KHDRBS1: variants seen among roughly 807,000 people sequenced by gnomAD.
KHDRBS1 encodes the protein KH domain-containing, RNA-binding, signal transduction-associated protein 1.
KHDRBS1 carries 7 observed loss-of-function variants against 48.4 expected under a neutral mutation model. The observed-to-expected ratio is 0.14, with a 90% CI of 0.08 to 0.27. The LOEUF is 0.27. KHDRBS1 is among the 10% of genes least tolerant of loss of function. The pLI is 1.00. For missense variants in KHDRBS1, 458 were observed against 601.2 expected, an observed-to-expected ratio of 0.76 and a Z score of 2.49; for synonymous variants, 241 against 235.8, an observed-to-expected ratio of 1.02 and a Z score of -0.20.
At chr1:32,033,913 T>C (rs1557895059) in intron 4 of KHDRBS1, among the ~76,000 whole-genome samples, 2 of 152,230 alleles carry the variant, frequency 1.3e-5, no homozygotes, top group African/African-American at 4.8e-5. Flanking sequence ...AGACTATTAC[T>C]GAGGACTAGA....
intron 10 of KHDRBS1, chr1:32,052,354 A>AAAAG (rs1196358302): frequency 6.6e-6 from 1 of 152,070 alleles, no homozygotes; most frequent in African/African-American, 2.4e-5. Context: ...AGAAAAGAAA[A>AAAAG]AAAGAAAGAA....
intron 7 of KHDRBS1, 72 bp downstream of exon 7, chr1:32,038,691 T>G (rs1362095129): frequency 7.0e-7 from 1 of 1,434,830 alleles, no homozygotes; most frequent in Non-Finnish European, 9.8e-7. Flanking sequence ...ACAGAGAGAT[T>G]TAGACAGTAC....
intron 10 of KHDRBS1, among the ~76,000 whole-genome samples, chr1:32,053,629 C>T (rs1639448154): frequency 1.3e-5 from 2 of 152,148 alleles, no homozygotes; most frequent in African/African-American, 4.8e-5. Context: ...AAGCACCTTC[C>T]CAGAGTGGTA....
rs1335953226 is a variant in KHDRBS1 at position 32,043,757 on chromosome 1, C to T, written c.*1133C>T. The T allele has an allele frequency of 6.6e-6, 1 of 152,610 alleles. No homozygotes were observed. The highest frequency in any genetic ancestry group is 1.5e-5 in the Non-Finnish European group (1 of 68,040). The allele number at this position is 152,610 out of a possible 1,614,324, so 9.5% of individuals were successfully genotyped here. On this transcript the variant is annotated 3_prime_UTR_variant, in exon 9 of 9. Transcript: ENST00000327300. ...GTCCTAATTGGATTTGTACCGTCCT[C>T]CCATTTTGTTCTCGGAAGATTAAAT...
At chr1:32,016,970 G>T (rs910803489) in intron 1 of KHDRBS1, among the ~76,000 whole-genome samples, 32 of 152,032 alleles carry the variant, frequency 2.1e-4, no homozygotes, top group African/African-American at 7.0e-4. Context: ...ATGAAAAAAT[G>T]ATGACAGCCG....
chr1:32,047,394 A>G (rs1639369833), downstream of KHDRBS1, among the ~76,000 whole-genome samples: 1 of 152,076 alleles, frequency 6.6e-6, no homozygotes, highest in Admixed American at 6.5e-5. Flanking sequence ...CCTGGCTTCA[A>G]GTGATCCGCC....
chr1:32,037,680 G>C (rs543941815), intron 5 of KHDRBS1, among the ~76,000 whole-genome samples, 155 bp from the exon 6 acceptor site: 1 of 152,324 alleles, frequency 6.6e-6, no homozygotes, highest in South Asian at 2.1e-4. Context: ...ATCTTGCAGT[G>C]TGGGTCCTTT....
intron 1 of KHDRBS1, among the ~76,000 whole-genome samples, chr1:32,028,978 C>T (rs546623965): frequency 5.9e-5 from 9 of 152,250 alleles, no homozygotes; most frequent in African/African-American, 2.2e-4. Context: ...AGAGACCAGT[C>T]TGACTCGCTC....
chr1:32,014,295 G>T lies in KHDRBS1; in HGVS notation c.300G>T (p.Glu100Asp), dbSNP rs755592365. 6.4e-7 allele frequency: 1 copy of T among 1,561,306 alleles called. No individual in the cohort carries two copies. The highest frequency in any genetic ancestry group is 2.5e-5 in the East Asian group (1 of 40,478). ...SATASVKMEP[E>D]NKYLPELMAE... ...CAGCCTCGGTCAAGATGGAGCCAGAGAACAAGTACCTGCCCGAACTCATGG... is the reference window on the plus strand; with the variant it reads ...CAGCCTCGGTCAAGATGGAGCCAGATAACAAGTACCTGCCCGAACTCATGG... The change falls in exon 1 of 9, where the codon GAG becomes GAT. Residue 100 changes from glutamate (E) to aspartate (D), a missense_variant. Transcript: ENST00000327300.
chr1:32,033,133 AGGT>A (rs1639113296), intron 3 of KHDRBS1, 52 bp from the exon 4 acceptor site: 5 of 1,430,862 alleles, frequency 3.5e-6, no homozygotes, highest in Middle Eastern at 1.8e-4. Context: ...TTAGAGGTAA[AGGT>A]GGTGTTTTCT....
At chr1:32,050,551 C>T (rs1639406287) in intron 10 of KHDRBS1, among the ~76,000 whole-genome samples, 1 of 151,952 alleles carries the variant, frequency 6.6e-6, no homozygotes, top group South Asian at 2.1e-4. Context: ...CTGACTCTGT[C>T]CCCCAGGCTG....
intron 5 of KHDRBS1, 145 bp downstream of exon 5, chr1:32,037,188 A>G: frequency 1.1e-6 from 1 of 907,872 alleles, no homozygotes; most frequent in Non-Finnish European, 1.6e-6. Flanking sequence ...CCATACTCTC[A>G]CACCTGTAAT....
Position 32,030,435 on chromosome 1 carries a change from G to A in KHDRBS1, c.507+13G>A, listed in dbSNP as rs1168555242. ...GCAGTATCCCAAGGTAAGGCAAAAA[G>A]TGCTTTGGATCTTTGAGTTATCTTT... On this transcript the variant is annotated intron_variant, in intron 2 of 8. Transcript: ENST00000327300. 1 of 1,594,700 alleles carries A rather than the reference G, an allele frequency of 6.3e-7. No homozygotes were observed.
intron 4 of KHDRBS1, among the ~76,000 whole-genome samples, chr1:32,036,662 G>T (rs777906425): frequency 1.8e-4 from 27 of 152,088 alleles, no homozygotes; most frequent in African/African-American, 4.3e-4. Flanking sequence ...GTTATATATA[G>T]AGAGAGAATG....
chr1:32,035,770 T>G (rs1465265300), intron 4 of KHDRBS1, among the ~76,000 whole-genome samples: 5 of 152,192 alleles, frequency 3.3e-5, no homozygotes, highest in African/African-American at 7.2e-5. Context: ...GGTGTAAAGT[T>G]ACAAAAATGG....
chr1:32,047,470 T>C (rs572395254), downstream of KHDRBS1, among the ~76,000 whole-genome samples: 2 of 152,328 alleles, frequency 1.3e-5, no homozygotes, highest in East Asian at 1.9e-4. Context: ...GCCTGTGAAC[T>C]TTTATTACAA....
rs773341324 is a variant in KHDRBS1 at position 32,014,364 on chromosome 1, G to A, written c.369G>A (p.Gln123=). ...ACCCGTCCTTCACTCACGCCATGCAGCTGCTGACGGCAGGTAAGGGGGCCT... is the reference window on the plus strand; with the variant it reads ...ACCCGTCCTTCACTCACGCCATGCAACTGCTGACGGCAGGTAAGGGGGCCT... ...SLDPSFTHAM[Q]LLTAEIEKIQ... is the part of the protein sequence containing the mutation. The change falls in exon 1 of 9, where the codon CAG becomes CAA. Residue 123 remains glutamine (Q), a synonymous_variant. Coordinates refer to ENST00000327300, the MANE Select transcript of KHDRBS1 (RefSeq NM_006559.3). The A allele has an allele frequency of 2.7e-6, 4 of 1,478,356 alleles. No homozygotes were observed. Among genetic ancestry groups the A allele is most frequent in the South Asian group, 2.6e-5 (2 of 75,956 alleles). 91.6% of individuals were successfully genotyped at this position (1,478,356 alleles called of 1,614,324 possible).
chr1:32,034,998 A>G (rs534761511), intron 4 of KHDRBS1, among the ~76,000 whole-genome samples: 2 of 151,546 alleles, frequency 1.3e-5, no homozygotes, highest in East Asian at 3.9e-4. Flanking sequence ...AAAAAAAAAG[A>G]ATGTTCAACA....
At chr1:32,027,474 A>C (rs1003057442) in intron 1 of KHDRBS1, among the ~76,000 whole-genome samples, 7 of 152,238 alleles carry the variant, frequency 4.6e-5, no homozygotes, top group Non-Finnish European at 1.5e-5. Context: ...GATTACCCTC[A>C]CAAGTAGACT....
Sources: gnomAD v4.1 joint callset for allele counts (sites outside exome capture counted in the v4.1 genomes callset) on GRCh38, gnomAD v4.1.1 for gene constraint, MANE v1.5 for transcripts, NCBI Gene and HGNC (gene_info 2026-07-23, HGNC 2026-07-21) for gene names.